Variants in SLC5A4 observed in about 807,000 individuals in gnomAD.
The protein encoded by SLC5A4 is solute carrier family 5 member 4, also known as probable glucose sensor protein SLC5A4.
Under a neutral mutation model 70.3 loss-of-function variants are expected in SLC5A4, and 55 were observed. The observed-to-expected ratio is 0.78, with a 90% CI of 0.63 to 0.98. SLC5A4 has a LOEUF of 0.98. SLC5A4 is among the 50% of genes least tolerant of loss of function. SLC5A4 has a pLI of 0.00. For synonymous variants in SLC5A4, 268 were observed against 305.7 expected, an observed-to-expected ratio of 0.88 and a Z score of 1.29; for missense variants, 735 against 839.2, an observed-to-expected ratio of 0.88 and a Z score of 1.53.
At chr22:32,270,501 C>T in the SLC5A4 span, 4 of 734,542 alleles carry the variant, frequency 5.4e-6, no homozygotes, top group Non-Finnish European at 9.8e-6. Flanking sequence ...CCGAAGCGGA[C>T]AATGACCACC....
the SLC5A4 span, among the ~76,000 whole-genome samples, chr22:32,268,943 C>T: frequency 2.9e-4 from 44 of 152,298 alleles, no homozygotes; most frequent in South Asian, 8.1e-3. Flanking sequence ...TTCGCCCAGG[C>T]TGAGTGCAGT....
At chr22:32,261,536 C>A in the SLC5A4 span, among the ~76,000 whole-genome samples, 2 of 152,210 alleles carry the variant, frequency 1.3e-5, no homozygotes, top group Non-Finnish European at 2.9e-5. Context: ...GTTGGGGAAG[C>A]CCCTTACCAG....
At chr22:32,337,903 G>A in the SLC5A4 span, among the ~76,000 whole-genome samples, 1 of 144,288 alleles carries the variant, frequency 6.9e-6, no homozygotes, top group African/African-American at 2.6e-5. Context: ...TTTTGAGTAT[G>A]TATTACCTCT....
chr22:32,264,245 A>G, the SLC5A4 span, among the ~76,000 whole-genome samples: 101 of 152,204 alleles, frequency 6.6e-4, 1 homozygote, highest in South Asian at 0.021. Flanking sequence ...CTGGACGATG[A>G]CCTTTCTTTT....
At chr22:32,339,200 G>C in the SLC5A4 span, among the ~76,000 whole-genome samples, 1 of 152,214 alleles carries the variant, frequency 6.6e-6, no homozygotes, top group African/African-American at 2.4e-5. Context: ...TCGTAGCTGC[G>C]TGTGAGTGGG....
At chr22:32,291,895 T>C in the SLC5A4 span, among the ~76,000 whole-genome samples, 64,778 of 137,376 alleles carry the variant, frequency 0.47, 15,615 homozygotes, top group Admixed American at 0.5. Context: ...TTTTTGGAGA[T>C]GGAGTCTCAT....
the SLC5A4 span, among the ~76,000 whole-genome samples, chr22:32,335,717 G>A: frequency 2.0e-5 from 3 of 152,168 alleles, no homozygotes; most frequent in Non-Finnish European, 2.9e-5. Context: ...AGCACCCAGC[G>A]ATTCCTGAAG....
chr22:32,307,496 G>T, the SLC5A4 span, among the ~76,000 whole-genome samples: 1 of 152,190 alleles, frequency 6.6e-6, no homozygotes, highest in African/African-American at 2.4e-5. Flanking sequence ...TGGGTACAGG[G>T]CCAGGCAAGT....
chr22:32,275,237 A>T, the SLC5A4 span, among the ~76,000 whole-genome samples: 4 of 152,102 alleles, frequency 2.6e-5, no homozygotes, highest in African/African-American at 9.7e-5. Flanking sequence ...TTATTTTTTT[A>T]TTACACTGTA....
At chr22:32,350,438 C>T in the SLC5A4 span, among the ~76,000 whole-genome samples, 4 of 152,210 alleles carry the variant, frequency 2.6e-5, no homozygotes, top group African/African-American at 9.6e-5. Flanking sequence ...GGTTTCATGT[C>T]CTCATCTACA....
At chr22:32,282,211 C>G in the SLC5A4 span, among the ~76,000 whole-genome samples, 3 of 152,162 alleles carry the variant, frequency 2.0e-5, no homozygotes, top group Non-Finnish European at 4.4e-5. Flanking sequence ...CTCCGTCTTT[C>G]TTGAACACCC....
At chr22:32,287,387 G>T in the SLC5A4 span, among the ~76,000 whole-genome samples, 42,783 of 151,826 alleles carry the variant, frequency 0.28, 6,048 homozygotes, top group African/African-American at 0.32. Context: ...CTCTAACGAG[G>T]GTATGAGCTT....
the SLC5A4 span, among the ~76,000 whole-genome samples, chr22:32,294,868 T>C: frequency 1.1e-5 from 1 of 88,656 alleles, no homozygotes; most frequent in East Asian, 3.2e-4. Context: ...CCTGTGTCCA[T>C]GTGGTCTCAT....
chr22:32,354,312 G>A, the SLC5A4 span, among the ~76,000 whole-genome samples: 2,207 of 149,744 alleles, frequency 0.015, 52 homozygotes, highest in African/African-American at 0.05. Flanking sequence ...TGCCAACAGT[G>A]TAGCACCCTG....
the SLC5A4 span, among the ~76,000 whole-genome samples, chr22:32,343,269 A>G: frequency 3.5e-3 from 533 of 152,338 alleles, 5 homozygotes; most frequent in African/African-American, 0.012. Context: ...CCATAGAGAC[A>G]TAGTCAGAAA....
At chr22:32,222,026 G>A (rs913877328) in intron 13 of SLC5A4, among the ~76,000 whole-genome samples, 2 of 152,294 alleles carry the variant, frequency 1.3e-5, no homozygotes, top group East Asian at 3.9e-4. Flanking sequence ...CAAAGTGCTG[G>A]GATGACAGGC....
chr22:32,312,042 C>G, the SLC5A4 span, among the ~76,000 whole-genome samples: 1 of 152,076 alleles, frequency 6.6e-6, no homozygotes, highest in East Asian at 1.9e-4. Context: ...TACCTGCCTC[C>G]CACGTGGTGA....
At chr22:32,253,086 T>C (rs925473991) in intron 2 of SLC5A4, among the ~76,000 whole-genome samples, 1 of 152,176 alleles carries the variant, frequency 6.6e-6, no homozygotes, top group African/African-American at 2.4e-5. Flanking sequence ...CCAAATAAAA[T>C]TCATTTCAAA....
chr22:32,253,167 A>G (rs1047729956), intron 2 of SLC5A4, among the ~76,000 whole-genome samples: 6 of 152,224 alleles, frequency 3.9e-5, no homozygotes, highest in Admixed American at 1.3e-4. Context: ...CATACCATTT[A>G]GAAAATGAGT....
Sources: gnomAD v4.1 joint callset for allele counts (sites outside exome capture counted in the v4.1 genomes callset) on GRCh38, gnomAD v4.1.1 for gene constraint, MANE v1.5 for transcripts, NCBI Gene and HGNC (gene_info 2026-07-23, HGNC 2026-07-21) for gene names.